The following RASIP1 variants were observed in gnomAD, a reference collection of about 807,000 sequenced individuals.
RASIP1 encodes Ras interacting protein 1, also known as ras-interacting protein 1.
RASIP1 carries 20 observed loss-of-function variants against 85.3 expected under a neutral mutation model. The observed-to-expected ratio is 0.23, with a 90% CI of 0.17 to 0.34. The LOEUF is 0.34. Ranked by LOEUF, RASIP1 falls within the 10% of genes least tolerant of loss-of-function variation. The pLI is 1.00. For missense variants in RASIP1, 1,170 were observed against 1,390.9 expected, an observed-to-expected ratio of 0.84 and a Z score of 2.53; for synonymous variants, 617 against 647.1, an observed-to-expected ratio of 0.95 and a Z score of 0.71.
chr19:48,722,750 G>C (rs1179452698), intron 10 of RASIP1, among the ~76,000 whole-genome samples: 2 of 152,082 alleles, frequency 1.3e-5, no homozygotes, highest in Admixed American at 1.3e-4. Flanking sequence ...CTTCCGGCAG[G>C]TCACCGTCCC....
chr19:48,726,772 G>A lies in RASIP1; in HGVS notation c.2127+13C>T, dbSNP rs1433798644. 1 of 1,585,702 alleles carries A rather than the reference G, an allele frequency of 6.3e-7. No homozygotes were observed. ...ATGCTATGTCAAACAGGAAGTAAGA[G>A]GCAAGGGCCAACCTTGGTGAGGTAG... On this transcript the variant is annotated intron_variant, in intron 8 of 11. Transcript: ENST00000222145.
In RASIP1 at chr19:48,739,180, G is replaced by A; in HGVS notation, c.603C>T (p.Ala201=). Residue 201 remains alanine, a synonymous_variant, in exon 3 of 12, where the codon GCC becomes GCT. Coordinates refer to ENST00000222145, the MANE Select transcript of RASIP1 (RefSeq NM_017805.3). This position sits in a 1 kb window ranked among gnomAD's most constrained non-coding sequence, Gnocchi z 9.2. ...GGPGESSCVD[A]FALCDALGRP... ...GGCCCAGAGCGTCGCACAAAGCGAA[G>A]GCGTCCACGCAGCTGCTCTCGCCGG... is the stretch of plus-strand genomic sequence containing the variant. The A allele has an allele frequency of 6.8e-7, 1 of 1,468,616 alleles. No homozygotes were observed. The highest frequency in any genetic ancestry group is 9.0e-7 in the Non-Finnish European group (1 of 1,117,162). The allele number at this position is 1,468,616 out of a possible 1,614,324, so 91.0% of individuals were successfully genotyped here. A position where few individuals can be genotyped will look rare whatever the true frequency, so the allele number is the denominator to read the frequency against.
chr19:48,731,720 C>A (rs565634552), intron 4 of RASIP1, among the ~76,000 whole-genome samples: 8 of 152,318 alleles, frequency 5.3e-5, no homozygotes, highest in Non-Finnish European at 8.8e-5. Flanking sequence ...ACCCCTACCC[C>A]ATGAATGGGT....
intron 10 of RASIP1, among the ~76,000 whole-genome samples, chr19:48,723,930 C>T (rs144759216): frequency 1.5e-3 from 229 of 151,944 alleles, no homozygotes; most frequent in African/African-American, 5.3e-3. Context: ...CCCTCAGCCT[C>T]CAGAGTAACT....
intron 3 of RASIP1, among the ~76,000 whole-genome samples, chr19:48,735,827 G>T (rs1278591942): frequency 1.3e-5 from 2 of 148,156 alleles, no homozygotes; most frequent in African/African-American, 5.0e-5. Flanking sequence ...ACGTAGTCTC[G>T]CTCTGTCGCC....
At chr19:48,733,367 C>G (rs1408595324) in intron 4 of RASIP1, among the ~76,000 whole-genome samples, 2 of 152,210 alleles carry the variant, frequency 1.3e-5, no homozygotes, top group African/African-American at 2.4e-5. Flanking sequence ...CCCACTGATC[C>G]TCAACCACCA....
chr19:48,721,690 C>T lies in RASIP1; in HGVS notation c.2692+164G>A, dbSNP rs550176071. ...TGGTGGCGCATGCCTGTAATCCCAG[C>T]TACTCGGGAGGCTGAGGCAGGAGAA... is the stretch of plus-strand genomic sequence containing the variant. On this transcript the variant is annotated intron_variant, in intron 11 of 11. Coordinates refer to ENST00000222145, the MANE Select transcript of RASIP1 (RefSeq NM_017805.3). Among the ~76,000 whole-genome samples, 6 of 152,340 alleles carry T rather than the reference C, an allele frequency of 3.9e-5. No individual in the cohort carries two copies. The East Asian group carries it at 1.2e-3, about 29-fold the overall frequency.
intron 4 of RASIP1, among the ~76,000 whole-genome samples, chr19:48,734,978 A>G (rs1472360252): frequency 6.6e-6 from 1 of 152,212 alleles, no homozygotes; most frequent in Admixed American, 6.5e-5. Flanking sequence ...CTTTGAATAA[A>G]GTGAACTATT....
chr19:48,728,324 G>A (rs1269023216), intron 5 of RASIP1, among the ~76,000 whole-genome samples: 1 of 152,158 alleles, frequency 6.6e-6, no homozygotes. Context: ...TTCTCATCCA[G>A]TGGGATCTCT....
rs2033414297 is a variant in RASIP1, at chr19:48,729,706, C to CTTTTTTTTTTTTTTTTTTTTT, written c.1180-117_1180-116insAAAAAAAAAAAAAAAAAAAAA. ...CCCACCAACTTTTTTTTTCCTTCTT[C>CTTTTTTTTTTTTTTTTTTTTT]TTCTTTTTTTTTTTTTTTTTTTTTT... On this transcript the variant is annotated intron_variant, in intron 4 of 11. Transcript: ENST00000222145. 3 of 581,880 alleles carry CTTTTTTTTTTTTTTTTTTTTT rather than the reference C, an allele frequency of 5.2e-6. No individual in the cohort carries two copies. The African/African-American group carries it at 6.8e-5, about 13-fold the overall frequency. The allele number at this position is 581,880 out of a possible 1,614,324, so 36.0% of individuals were successfully genotyped here. A position where few individuals can be genotyped will look rare whatever the true frequency, so the allele number is the denominator to read the frequency against.
chr19:48,734,311 TA>T (rs937236276), intron 4 of RASIP1, among the ~76,000 whole-genome samples: 3 of 151,646 alleles, frequency 2.0e-5, no homozygotes, highest in Non-Finnish European at 2.9e-5. Flanking sequence ...AAAAGTTTAT[TA>T]AAAAAATTTA....
In RASIP1 at chr19:48,721,960, G is replaced by T. The variant is rs2033255867; in HGVS notation, c.2586C>A (p.Thr862=). 6.5e-7 allele frequency: 1 copy of T among 1,538,862 alleles called. No individual in the cohort carries two copies. The highest frequency in any genetic ancestry group is 1.4e-5 in the African/African-American group (1 of 71,730). The change falls in exon 11 of 12, where the codon ACC becomes ACA. Residue 862 remains threonine (T), a synonymous_variant. Coordinates refer to ENST00000222145, the MANE Select transcript of RASIP1 (RefSeq NM_017805.3). ...SSLRTDHPTL[T]PAQLHHLLSH... is the part of the protein sequence containing the mutation. ...TGAGCAGATGGTGCAGCTGGGCGGG[G>T]GTCAAGGTGGGGTGGTCGGTTCTTA...
intron 8 of RASIP1, 35 bp downstream of exon 8, chr19:48,726,750 C>A: frequency 6.8e-7 from 1 of 1,477,712 alleles, no homozygotes; most frequent in Non-Finnish European, 9.3e-7. Flanking sequence ...GGAAGTGATG[C>A]TATGTCAAAC....
chr19:48,724,760 G>A lies in RASIP1; in HGVS notation c.2328C>T (p.Phe776=). The part of the protein sequence containing the change: ...DLVSQTFGYL[F]FFSNASLLNS... ...TGAGAAGGGATGCGTTGGAGAAGAA[G>A]AACAAGTAGCCAAAAGTCTGAGACA... Residue 776 remains phenylalanine, a synonymous_variant, in exon 9 of 12, where the codon TTC becomes TTT. Coordinates refer to ENST00000222145, the MANE Select transcript of RASIP1 (RefSeq NM_017805.3). This position sits in a 1 kb window ranked among gnomAD's most constrained non-coding sequence, Gnocchi z 4.6. The A allele has an allele frequency of 2.5e-6, 4 of 1,614,204 alleles. No homozygotes were observed. Among genetic ancestry groups the A allele is most frequent in the Non-Finnish European group, 3.4e-6 (4 of 1,180,040 alleles).
At position 48,721,977 on chromosome 19, in the gene RASIP1, C is replaced by G; in HGVS notation, c.2569G>C (p.Asp857His). ...TGGGCGGGGGTCAAGGTGGGGTGGT[C>G]GGTTCTTAGGCTGCTCCATGAAGCC... Reference protein sequence around the residue: ...LKASWSSLRTDHPTLTPAQLH... With the variant: ...LKASWSSLRTHHPTLTPAQLH... Residue 857 changes from aspartate (D) to histidine (H), a missense_variant, in exon 11 of 12, where the codon GAC becomes CAC. By Grantham distance (81) the Asp-to-His change is moderately conservative. Coordinates refer to ENST00000222145, the MANE Select transcript of RASIP1 (RefSeq NM_017805.3). 1 of 1,510,474 alleles carries G rather than the reference C, an allele frequency of 6.6e-7. No homozygotes were observed. The highest frequency in any genetic ancestry group is 8.9e-7 in the Non-Finnish European group (1 of 1,119,030). The allele number at this position is 1,510,474 out of a possible 1,614,324, so 93.6% of individuals were successfully genotyped here.
At chr19:48,722,378 C>G (rs1390345531) in intron 10 of RASIP1, among the ~76,000 whole-genome samples, 2 of 141,804 alleles carry the variant, frequency 1.4e-5, no homozygotes, top group Non-Finnish European at 3.0e-5. Flanking sequence ...TGCAGTGGCT[C>G]GATCGTGGCT....
chr19:48,733,335 A>C (rs1400115942), intron 4 of RASIP1, among the ~76,000 whole-genome samples: 2 of 152,116 alleles, frequency 1.3e-5, no homozygotes, highest in Non-Finnish European at 2.9e-5. Context: ...AACATGTTAC[A>C]TTTCTATTAG....
At chr19:48,725,471 T>G (rs555467561) in intron 8 of RASIP1, 76 of 155,746 alleles carry the variant, frequency 4.9e-4, no homozygotes, top group Non-Finnish European at 9.1e-4. Context: ...TAGAGACTGA[T>G]AGTTAGCTGT....
intron 4 of RASIP1, among the ~76,000 whole-genome samples, chr19:48,733,770 G>A (rs2033508220): frequency 1.3e-5 from 2 of 150,492 alleles, no homozygotes; most frequent in South Asian, 4.2e-4. Context: ...TCGCACCACT[G>A]CAGTCCGGCT....
Sources: allele counts gnomAD v4.1 joint callset (sites outside exome capture counted in the v4.1 genomes callset), GRCh38; gene constraint gnomAD v4.1.1; non-coding constraint Gnocchi (gnomAD v3.1); transcripts MANE v1.5; gene names NCBI Gene and HGNC (gene_info 2026-07-23, HGNC 2026-07-21).